Variants in SH3BP4 observed in about 807,000 individuals in gnomAD.
SH3BP4 encodes SH3 domain-binding protein 4.
Under a neutral mutation model 65.5 loss-of-function variants are expected in SH3BP4, and 33 were observed. That is an observed-to-expected ratio of 0.50 (90% CI 0.38 to 0.67). The LOEUF (loss-of-function observed/expected upper bound fraction) is 0.67, where lower values mean the gene tolerates loss of function less well. Among genes scored for constraint, SH3BP4 ranks in the 30% least tolerant of loss-of-function variants. The probability of loss-of-function intolerance (pLI) is 0.00; values close to 1 mark genes in which losing one functional copy is unlikely to be tolerated. For missense variants in SH3BP4, 1,134 were observed against 1,261.4 expected, an observed-to-expected ratio of 0.90 and a Z score of 1.53; for synonymous variants, 552 against 545.5, an observed-to-expected ratio of 1.01 and a Z score of -0.17.
At chr2:234,988,294 C>T (rs1200891880) in intron 1 of SH3BP4, among the ~76,000 whole-genome samples, 2 of 152,118 alleles carry the variant, frequency 1.3e-5, no homozygotes, top group African/African-American at 2.4e-5. Flanking sequence ...CTCCTGACCT[C>T]ATGATCTGCC....
chr2:234,959,215 G>C (rs542213812), intron 1 of SH3BP4, among the ~76,000 whole-genome samples: 1 of 152,164 alleles, frequency 6.6e-6, no homozygotes, highest in Non-Finnish European at 1.5e-5. Flanking sequence ...AGACACACCC[G>C]AGGAACCTGC....
At position 235,041,901 on chromosome 2, in the gene SH3BP4, C is replaced by G. The variant is rs1471040017; in HGVS notation, c.1132C>G (p.Leu378Val). 3 of 1,613,372 alleles carry G rather than the reference C, an allele frequency of 1.9e-6. No homozygotes were observed. Among genetic ancestry groups the G allele is most frequent in the East Asian group, 4.5e-5 (2 of 44,868 alleles). ...CAGGTCCTGCAGCATCAGCCCTGTG[C>G]TGGAGGTCAAGCTGAGCAACCTGGA... The part of the protein sequence containing the change: ...SDRSCSISPV[L>V]EVKLSNLEVK... The change falls in exon 4 of 6, where the codon CTG (leucine) becomes GTG (valine). Residue 378 changes from leucine (L) to valine (V), a missense_variant. Coordinates refer to ENST00000392011, the MANE Select transcript of SH3BP4 (RefSeq NM_014521.3). This position sits in a 1 kb window ranked among gnomAD's most constrained non-coding sequence, Gnocchi z 6.0.
rs77437242 is a variant in SH3BP4, at chr2:235,016,378, G to A, written c.-132-18493G>A. 1.4e-3 allele frequency among the ~76,000 whole-genome samples: 217 copies of A among 152,314 alleles called. 2 individuals carry two copies. Among genetic ancestry groups the A allele is most frequent in the African/African-American group, 5.1e-3 (210 of 41,566 alleles). ...GAGCATGTGTTGTACTGGGTGTGCT[G>A]CGGTGTTGTACTTAGAAAGGGAACA... is the stretch of plus-strand genomic sequence containing the variant. On this transcript the variant is annotated intron_variant, in intron 2 of 5. Coordinates refer to ENST00000392011, the MANE Select transcript of SH3BP4 (RefSeq NM_014521.3).
At position 235,032,555 on chromosome 2, in the gene SH3BP4, G is replaced by A. The variant is rs142074561; in HGVS notation, c.-132-2316G>A. ...CTCCACAGTGGCCTCCAAGCAGCCCGGGGGCTTGCACACGTGGCCCTTGCA... is the reference window on the plus strand; with the variant it reads ...CTCCACAGTGGCCTCCAAGCAGCCCAGGGGCTTGCACACGTGGCCCTTGCA... On this transcript the variant is annotated intron_variant, in intron 2 of 5. Transcript: ENST00000392011. Among the ~76,000 whole-genome samples the A allele has an allele frequency of 1.4e-4, 21 of 152,314 alleles. No individual in the cohort carries two copies. In the East Asian group the frequency reaches 3.1e-3, roughly 22 times the overall value.
intron 2 of SH3BP4, among the ~76,000 whole-genome samples, chr2:235,032,317 C>T (rs1695231952): frequency 6.6e-6 from 1 of 152,212 alleles, no homozygotes; most frequent in Non-Finnish European, 1.5e-5. Flanking sequence ...CAGGAACTGT[C>T]ACCGTCACAC....
chr2:235,013,999 A>G (rs185042835), intron 2 of SH3BP4, among the ~76,000 whole-genome samples: 75 of 152,282 alleles, frequency 4.9e-4, no homozygotes, highest in Non-Finnish European at 9.4e-4. Flanking sequence ...TATAGAATAT[A>G]TGTGTATTAT....
intron 2 of SH3BP4, among the ~76,000 whole-genome samples, chr2:235,021,596 G>A (rs934623256): frequency 4.0e-5 from 6 of 149,458 alleles, no homozygotes; most frequent in African/African-American, 1.5e-4. Flanking sequence ...TCTAGCCTGG[G>A]TGAAAGAGTG....
At chr2:235,007,448 G>A (rs1259460852) in intron 2 of SH3BP4, among the ~76,000 whole-genome samples, 2 of 152,206 alleles carry the variant, frequency 1.3e-5, no homozygotes, top group African/African-American at 4.8e-5. Flanking sequence ...ACCACGCAGG[G>A]AGGAGGGAGG....
At chr2:235,027,817 TC>T (rs1413173220) in intron 2 of SH3BP4, among the ~76,000 whole-genome samples, 4 of 152,198 alleles carry the variant, frequency 2.6e-5, no homozygotes, top group Admixed American at 6.5e-5. Context: ...GCCTGAGGTT[TC>T]CCTAAGACCT....
chr2:235,054,897 C>CTTAA lies in SH3BP4; in HGVS notation c.*1082_*1085dup, dbSNP rs1380675822. 6.6e-6 allele frequency: 1 copy of CTTAA among 152,218 alleles called. No homozygotes were observed. 9.4% of individuals were successfully genotyped at this position (152,218 alleles called of 1,614,324 possible). A position where few individuals can be genotyped will look rare whatever the true frequency, so the allele number is the denominator to read the frequency against. ...ACTCTGCATTTCATTTCATCTAAGG[C>CTTAA]TTAACCCCTCTTCCTTCCTGGTGTA... On this transcript the variant is annotated 3_prime_UTR_variant, in exon 6 of 6. Transcript: ENST00000392011.
In SH3BP4 at chr2:235,030,204, G is replaced by A. The variant is rs1277422736; in HGVS notation, c.-132-4667G>A. ...TGAGAAAATCAAGGGCTCACCAGAG[G>A]TGGATGGTGAGGAGCTTGAGGAGCT... On this transcript the variant is annotated intron_variant, in intron 2 of 5. Transcript: ENST00000392011. This position sits in a 1 kb window ranked among gnomAD's most constrained non-coding sequence, Gnocchi z 4.1. Among the ~76,000 whole-genome samples, 1 of 152,174 alleles carries A rather than the reference G, an allele frequency of 6.6e-6. No individual in the cohort carries two copies. The highest frequency in any genetic ancestry group is 2.4e-5 in the African/African-American group (1 of 41,446).
At chr2:235,043,999 C>T (rs1257385708) in intron 4 of SH3BP4, among the ~76,000 whole-genome samples, 2 of 152,262 alleles carry the variant, frequency 1.3e-5, no homozygotes, top group Non-Finnish European at 2.9e-5. Flanking sequence ...AGAAGGCGGC[C>T]TGTGCTCTCG....
rs559127132 is a variant in SH3BP4, at chr2:235,000,560, G to T, written c.-133+5184G>T. Among the ~76,000 whole-genome samples the T allele has an allele frequency of 5.7e-4, 87 of 152,276 alleles. 1 individual carries two copies. The highest frequency in any genetic ancestry group is 2.0e-3 in the African/African-American group (84 of 41,554). ...AGGGGAAGCCTGGATCTTGGGCTCG[G>T]GCTCTGATGCTTTGTCTCTGAGCCG... is the stretch of plus-strand genomic sequence containing the variant. On this transcript the variant is annotated intron_variant, in intron 2 of 5. Coordinates refer to ENST00000392011, the MANE Select transcript of SH3BP4 (RefSeq NM_014521.3).
At chr2:235,001,352 C>T (rs1386872262) in intron 2 of SH3BP4, among the ~76,000 whole-genome samples, 8 of 152,114 alleles carry the variant, frequency 5.3e-5, no homozygotes, top group Non-Finnish European at 7.3e-5. Flanking sequence ...CCTCAAAAAA[C>T]GTTAACAACC....
chr2:235,025,107 G>A (rs1320235323), intron 2 of SH3BP4, among the ~76,000 whole-genome samples: 2 of 152,172 alleles, frequency 1.3e-5, no homozygotes, highest in Admixed American at 6.5e-5. Context: ...ACACGGGCGG[G>A]CCAGCCTTCC....
At chr2:235,038,322 T>TA (rs1559254362) in intron 3 of SH3BP4, among the ~76,000 whole-genome samples, 1,863 of 7,378 alleles carry the variant, frequency 0.25, 234 homozygotes, top group African/African-American at 0.46. Flanking sequence ...TTATATATTA[T>TA]ATATATATTA....
chr2:235,023,371 A>C (rs1694901566), intron 2 of SH3BP4, among the ~76,000 whole-genome samples: 2 of 152,014 alleles, frequency 1.3e-5, no homozygotes, highest in African/African-American at 4.8e-5. Context: ...ACATAGTGAA[A>C]CCCTGTCTGT....
At chr2:234,965,232 A>G (rs1017967758) in intron 1 of SH3BP4, among the ~76,000 whole-genome samples, 13 of 152,224 alleles carry the variant, frequency 8.5e-5, no homozygotes, top group African/African-American at 2.9e-4. Context: ...ACCACATGAG[A>G]GGCACCCAGC....
chr2:235,034,696 G>C lies in SH3BP4; in HGVS notation c.-132-175G>C, dbSNP rs77821022. Among the ~76,000 whole-genome samples the C allele has an allele frequency of 6.6e-6, 1 of 152,200 alleles. No homozygotes were observed. Among genetic ancestry groups the C allele is most frequent in the African/African-American group, 2.4e-5 (1 of 41,442 alleles). Reference sequence around the variant, plus strand: ...GTGCCAATGAGACAAGCACAAAGTGGGCACAGAGGCCAAGGAGCAAGCGCT... The same window carrying C: ...GTGCCAATGAGACAAGCACAAAGTGCGCACAGAGGCCAAGGAGCAAGCGCT... On this transcript the variant is annotated intron_variant, in intron 2 of 5. Transcript: ENST00000392011. This position sits in a 1 kb window ranked among gnomAD's most constrained non-coding sequence, Gnocchi z 6.2.
Sources: gnomAD v4.1 joint callset for allele counts (sites outside exome capture counted in the v4.1 genomes callset) on GRCh38, gnomAD v4.1.1 for gene constraint, Gnocchi (gnomAD v3.1) non-coding constraint, MANE v1.5 for transcripts, NCBI Gene and HGNC (gene_info 2026-07-23, HGNC 2026-07-21) for gene names.